ZNF679: variants seen among roughly 807,000 people sequenced by gnomAD.
ZNF679 encodes hypothetical protein MGC42415.
A neutral mutation model predicts 13.4 loss-of-function variants in ZNF679; 10 were observed. The observed-to-expected ratio is 0.75, with a 90% CI of 0.46 to 1.27. The LOEUF (loss-of-function observed/expected upper bound fraction) is 1.27, where lower values mean the gene tolerates loss of function less well. ZNF679 is among the 50% of genes most tolerant of loss of function. The pLI is 0.00. For missense variants in ZNF679, 525 were observed against 477.8 expected, an observed-to-expected ratio of 1.10 and a Z score of -0.92; for synonymous variants, 179 against 162.5, an observed-to-expected ratio of 1.10 and a Z score of -0.77.
At chr7:64,251,760 A>G (rs1362715985) in intron 2 of ZNF679, among the ~76,000 whole-genome samples, 2 of 152,190 alleles carry the variant, frequency 1.3e-5, no homozygotes, top group Non-Finnish European at 2.9e-5. Flanking sequence ...AGTGAATATC[A>G]TCTCCTGAGT....
chr7:64,266,366 T>C lies in ZNF679; in HGVS notation c.733T>C (p.Cys245Arg), dbSNP rs34967493. 7,422 of 1,613,736 alleles carry C rather than the reference T, an allele frequency of 4.6e-3. 23 individuals carry two copies. Among genetic ancestry groups the C allele is most frequent in the Admixed American group, 5.6e-3 (336 of 59,966 alleles). The change falls in exon 5 of 5, where the codon TGT becomes CGT. Residue 245 changes from cysteine to arginine, a missense_variant. Cys to Arg is a radical substitution (Grantham distance 180). Coordinates refer to ENST00000421025, the MANE Select transcript of ZNF679 (RefSeq NM_153363.3). ...TGEKPYRCEECGKAFTWSSTL... is the reference protein window; with the variant it reads ...TGEKPYRCEERGKAFTWSSTL... ...AGAGAAACCCTACAGATGTGAGGAATGTGGCAAAGCTTTTACCTGGTCCTC... is the reference window on the plus strand; with the variant it reads ...AGAGAAACCCTACAGATGTGAGGAACGTGGCAAAGCTTTTACCTGGTCCTC...
intron 2 of ZNF679, among the ~76,000 whole-genome samples, chr7:64,258,335 C>G (rs1788030503): frequency 6.6e-6 from 1 of 151,998 alleles, no homozygotes; most frequent in South Asian, 2.1e-4. Flanking sequence ...AGCATCTTAT[C>G]TGAAAATACA....
intron 1 of ZNF679, among the ~76,000 whole-genome samples, chr7:64,233,893 A>C (rs1255595120): frequency 6.6e-6 from 1 of 152,204 alleles, no homozygotes; most frequent in Non-Finnish European, 1.5e-5. Flanking sequence ...GCTTGTGAGA[A>C]ACAAGAACGA....
intron 1 of ZNF679, among the ~76,000 whole-genome samples, chr7:64,240,466 G>A (rs1787783531): frequency 6.6e-6 from 1 of 152,170 alleles, no homozygotes; most frequent in Non-Finnish European, 1.5e-5. Context: ...AAAGGACATA[G>A]TGTATTATGA....
intron 4 of ZNF679, among the ~76,000 whole-genome samples, chr7:64,265,371 A>G (rs1306279573): frequency 6.6e-6 from 1 of 152,090 alleles, no homozygotes; most frequent in African/African-American, 2.4e-5. Flanking sequence ...GCTACTTTCC[A>G]CACCTATTTT....
At chr7:64,234,860 CAG>C (rs1787687709) in intron 1 of ZNF679, among the ~76,000 whole-genome samples, 1 of 152,028 alleles carries the variant, frequency 6.6e-6, no homozygotes, top group African/African-American at 2.4e-5. Flanking sequence ...TTTTTCAAGA[CAG>C]AGTCTCGCTC....
Position 64,228,559 on chromosome 7 carries a change from G to A in ZNF679, c.-184G>A, listed in dbSNP as rs1787591913. 1 of 152,200 alleles carries A rather than the reference G, an allele frequency of 6.6e-6. No homozygotes were observed. Among genetic ancestry groups the A allele is most frequent in the African/African-American group, 2.4e-5 (1 of 41,448 alleles). 9.4% of individuals were successfully genotyped at this position (152,200 alleles called of 1,614,324 possible). A position where few individuals can be genotyped will look rare whatever the true frequency, so the allele number is the denominator to read the frequency against. On this transcript the variant is annotated 5_prime_UTR_variant, in exon 1 of 5. Coordinates refer to ENST00000421025, the MANE Select transcript of ZNF679 (RefSeq NM_153363.3). ...AAAATAAATTAGGTGCTGTGTGAAA[G>A]TATACGCCACAATCACACCTGCGGG...
At chr7:64,241,452 C>A (rs1436206210) in intron 1 of ZNF679, among the ~76,000 whole-genome samples, 1 of 152,198 alleles carries the variant, frequency 6.6e-6, no homozygotes, top group Non-Finnish European at 1.5e-5. Flanking sequence ...GGTCATATCA[C>A]CTAGGTGGTG....
At chr7:64,261,690 A>T (rs1788079147) in intron 4 of ZNF679, among the ~76,000 whole-genome samples, 1 of 152,036 alleles carries the variant, frequency 6.6e-6, no homozygotes, top group South Asian at 2.1e-4. Flanking sequence ...TTTTGAAAAA[A>T]TTTATATTGG....
rs1329279113 is a variant in ZNF679, at chr7:64,266,678, G to C, written c.1045G>C (p.Glu349Gln). The C allele has an allele frequency of 6.2e-7, 1 of 1,613,464 alleles. No individual in the cohort carries two copies. Among genetic ancestry groups the C allele is most frequent in the East Asian group, 2.2e-5 (1 of 44,772 alleles). The part of the protein sequence containing the change: ...LKKHKIIHTG[E>Q]KPYKCKECGK... ...GAAACATAAGATAATTCATACTGGA[G>C]AGAAACCCTACAAATGTAAAGAATG... The change falls in exon 5 of 5, where the codon GAG (glutamate) becomes CAG (glutamine). Residue 349 changes from glutamate (E) to glutamine (Q), a missense_variant. Physicochemically the swap from Glu to Gln is conservative, Grantham distance 29 (BLOSUM62 2). Coordinates refer to ENST00000421025, the MANE Select transcript of ZNF679 (RefSeq NM_153363.3).
intron 2 of ZNF679, among the ~76,000 whole-genome samples, chr7:64,258,269 G>A (rs955345585): frequency 6.6e-6 from 1 of 152,146 alleles, no homozygotes; most frequent in Non-Finnish European, 1.5e-5. Context: ...GCGGTAGCAG[G>A]TGAATAGGTT....
In ZNF679 at chr7:64,249,089, C is replaced by A. The variant is rs144272859; in HGVS notation, c.-29C>A. On this transcript the variant is annotated 5_prime_UTR_variant, in exon 2 of 5. Coordinates refer to ENST00000421025, the MANE Select transcript of ZNF679 (RefSeq NM_153363.3). ...GTTCCTAGAGGCCAAGCCACTGTGG[C>A]CTTGTGTTCTGCAGGTATCCGCAGA... The A allele has an allele frequency of 1.2e-6, 2 of 1,614,024 alleles. No individual in the cohort carries two copies. The highest frequency in any genetic ancestry group is 1.7e-6 in the Non-Finnish European group (2 of 1,179,962).
intron 1 of ZNF679, among the ~76,000 whole-genome samples, chr7:64,235,615 C>T (rs1054574754): frequency 6.6e-6 from 1 of 151,916 alleles, no homozygotes; most frequent in African/African-American, 2.4e-5. Flanking sequence ...ATGGTGAAAC[C>T]CTGTCTTTAC....
chr7:64,230,046 T>G (rs1013176780), intron 1 of ZNF679, among the ~76,000 whole-genome samples: 1 of 152,160 alleles, frequency 6.6e-6, no homozygotes, highest in Non-Finnish European at 1.5e-5. Flanking sequence ...GTAACATCAT[T>G]TGGGTGCAGG....
At chr7:64,233,606 T>TC (rs1218321114) in intron 1 of ZNF679, among the ~76,000 whole-genome samples, 4 of 152,174 alleles carry the variant, frequency 2.6e-5, no homozygotes, top group African/African-American at 9.7e-5. Flanking sequence ...GGGGCAGTGC[T>TC]CCTCCCCCAA....
At chr7:64,262,223 C>G (rs1788086510) in intron 4 of ZNF679, among the ~76,000 whole-genome samples, 1 of 152,196 alleles carries the variant, frequency 6.6e-6, no homozygotes, top group African/African-American at 2.4e-5. Flanking sequence ...TTTATAAATT[C>G]TCAATATTAA....
In ZNF679 at chr7:64,266,799, T is replaced by C. The variant is rs747321601; in HGVS notation, c.1166T>C (p.Phe389Ser). Residue 389 changes from phenylalanine to serine, a missense_variant, in exon 5 of 5, where the codon TTT becomes TCT. Transcript: ENST00000421025. ...PYKCEECDKA[F>S]KWSSSLANHK... is the part of the protein sequence containing the mutation. ...AAATGTGAAGAATGTGACAAAGCTT[T>C]TAAGTGGTCCTCAAGTCTTGCTAAT... is the stretch of plus-strand genomic sequence containing the variant. 13 of 1,606,790 alleles carry C rather than the reference T, an allele frequency of 8.1e-6. No individual in the cohort carries two copies. In the Admixed American group the frequency reaches 1.5e-4, roughly 19 times the overall value.
intron 2 of ZNF679, among the ~76,000 whole-genome samples, chr7:64,249,767 A>G (rs915796169): frequency 4.6e-5 from 7 of 152,158 alleles, no homozygotes; most frequent in Non-Finnish European, 7.4e-5. Context: ...TTTCTTGGCT[A>G]TGTCATCACA....
At chr7:64,239,244 G>A (rs528440306) in intron 1 of ZNF679, among the ~76,000 whole-genome samples, 1 of 152,276 alleles carries the variant, frequency 6.6e-6, no homozygotes, top group South Asian at 2.1e-4. Flanking sequence ...TCTCCAACCA[G>A]GATTCAGCAC....
Sources: gnomAD v4.1 joint callset for allele counts (sites outside exome capture counted in the v4.1 genomes callset) on GRCh38, gnomAD v4.1.1 for gene constraint, MANE v1.5 for transcripts, NCBI Gene and HGNC (gene_info 2026-07-23, HGNC 2026-07-21) for gene names.